Variants in NTRK3 observed in about 807,000 individuals in gnomAD.
NTRK3 encodes NT-3 growth factor receptor.
In NTRK3, 24 loss-of-function variants were observed where a neutral mutation model predicts 91.7. That is an observed-to-expected ratio of 0.26 (90% CI 0.19 to 0.37). The LOEUF is 0.37. Ranked by LOEUF, NTRK3 falls within the 10% of genes least tolerant of loss-of-function variation. NTRK3 has a pLI of 1.00. For missense variants in NTRK3, 880 were observed against 1,068.9 expected (o/e 0.82, Z 2.46); for synonymous variants, 483 against 404.0 (o/e 1.20, Z -2.34).
At chr15:87,912,361 C>T (rs1373954639) in intron 17 of NTRK3, among the ~76,000 whole-genome samples, 3 of 152,178 alleles carry the variant, frequency 2.0e-5, no homozygotes, top group African/African-American at 7.2e-5. Context: ...CACAAGTAAA[C>T]TCTCATCCCT....
intron 14 of NTRK3, among the ~76,000 whole-genome samples, chr15:88,030,048 A>T (rs182898978): frequency 1.2e-4 from 19 of 152,338 alleles, no homozygotes; most frequent in African/African-American, 4.6e-4. Context: ...CTGTCTACTG[A>T]TGGAACAGAA....
At chr15:87,931,242 T>A (rs1224146445) in intron 16 of NTRK3, 4 of 517,992 alleles carry the variant, frequency 7.7e-6, no homozygotes, top group East Asian at 5.5e-5. Flanking sequence ...TACTGCTGAA[T>A]GTAAGGATAG....
At chr15:88,062,142 A>G (rs974051734) in intron 13 of NTRK3, among the ~76,000 whole-genome samples, 1 of 152,212 alleles carries the variant, frequency 6.6e-6, no homozygotes, top group Non-Finnish European at 1.5e-5. Flanking sequence ...GGTTATATGC[A>G]AATACTGTAC....
rs78091264 is a variant in NTRK3, at chr15:88,175,399, G to C, written c.395+8019C>G. On this transcript the variant is annotated intron_variant, in intron 5 of 18. Transcript: ENST00000394480. ...AGAGAGATAGAGAGAGAGAGAGAGA[G>C]ACATAAAGAGATAGAGCAATAGATA... is the stretch of plus-strand genomic sequence containing the variant. Among the ~76,000 whole-genome samples the C allele has an allele frequency of 9.7e-3, 1,468 of 152,060 alleles. 20 individuals are homozygous for C. Among genetic ancestry groups the C allele is most frequent in the East Asian group, 0.039 (204 of 5,182 alleles).
chr15:88,169,268 G>A (rs1439281056), intron 5 of NTRK3, among the ~76,000 whole-genome samples: 2 of 152,222 alleles, frequency 1.3e-5, no homozygotes, highest in South Asian at 4.1e-4. Flanking sequence ...AAGAGGATGA[G>A]ATTTCAATGT....
At chr15:88,078,858 G>A (rs2047789516) in intron 13 of NTRK3, among the ~76,000 whole-genome samples, 1 of 152,232 alleles carries the variant, frequency 6.6e-6, no homozygotes, top group Admixed American at 6.5e-5. Context: ...AAAGGCTGAT[G>A]TGGCCAGAGT....
Position 88,152,502 on chromosome 15 carries a change from T to C in NTRK3, c.396-5099A>G, listed in dbSNP as rs78577069. 6.7e-3 allele frequency among the ~76,000 whole-genome samples: 1,026 copies of C among 152,022 alleles called. 50 individuals are homozygous for C. The East Asian group carries it at 0.13, about 19-fold the overall frequency. ...ATGTAAAGTCACAGGGAGGAGAAAA[T>C]GGCCATCTACAAGTCAAGGAGAGAA... On this transcript the variant is annotated intron_variant, in intron 5 of 18. Transcript: ENST00000394480.
At chr15:88,113,550 A>C (rs2051685904) in intron 13 of NTRK3, among the ~76,000 whole-genome samples, 1 of 152,158 alleles carries the variant, frequency 6.6e-6, no homozygotes, top group African/African-American at 2.4e-5. Context: ...TCTTGACCTC[A>C]GGTGATCCAG....
At chr15:87,943,083 A>C (rs536200279) in intron 14 of NTRK3, among the ~76,000 whole-genome samples, 3 of 151,836 alleles carry the variant, frequency 2.0e-5, no homozygotes, top group Admixed American at 2.0e-4. Context: ...GGCTTGTTAC[A>C]ACAGATTGCT....
chr15:88,204,335 T>TA (rs760032176), intron 3 of NTRK3, among the ~76,000 whole-genome samples: 394 of 152,020 alleles, frequency 2.6e-3, no homozygotes, highest in Non-Finnish European at 4.4e-3. Context: ...CTTGAAAAAT[T>TA]AAAAAAAAGT....
At chr15:87,906,790 T>C (rs1404090254) in intron 17 of NTRK3, among the ~76,000 whole-genome samples, 1 of 152,166 alleles carries the variant, frequency 6.6e-6, no homozygotes, top group African/African-American at 2.4e-5. Flanking sequence ...CCACTATTAC[T>C]ACCACCAAGT....
intron 3 of NTRK3, among the ~76,000 whole-genome samples, chr15:88,239,039 G>C (rs2052067221): frequency 6.6e-6 from 1 of 152,230 alleles, no homozygotes; most frequent in Non-Finnish European, 1.5e-5. Flanking sequence ...TGCCAGGCCT[G>C]AATACAGTGC....
intron 14 of NTRK3, among the ~76,000 whole-genome samples, chr15:88,005,641 G>A (rs2076432741): frequency 1.3e-5 from 2 of 151,958 alleles, no homozygotes; most frequent in African/African-American, 4.8e-5. Flanking sequence ...AACAAATCCT[G>A]GAATACCTGA....
At chr15:88,136,783 G>A (rs1489958903) in intron 7 of NTRK3, among the ~76,000 whole-genome samples, 174 bp from the exon 8 acceptor site, 1 of 152,198 alleles carries the variant, frequency 6.6e-6, no homozygotes, top group Non-Finnish European at 1.5e-5. Flanking sequence ...CACCTCCCCA[G>A]TAGACATCAG....
At chr15:88,187,978 G>T (rs952596469) in intron 3 of NTRK3, among the ~76,000 whole-genome samples, 12 of 152,070 alleles carry the variant, frequency 7.9e-5, no homozygotes, top group Admixed American at 7.9e-4. Flanking sequence ...ACTTCTAGAG[G>T]CAGGCCAGGC....
chr15:87,979,490 C>T (rs1265910255), intron 14 of NTRK3: 2 of 1,491,798 alleles, frequency 1.3e-6, no homozygotes, highest in Non-Finnish European at 1.9e-6. Flanking sequence ...GAAAAAAAAA[C>T]AGAAAAAAGC....
At chr15:88,075,245 G>T (rs2047434749) in intron 13 of NTRK3, among the ~76,000 whole-genome samples, 1 of 152,148 alleles carries the variant, frequency 6.6e-6, no homozygotes, top group Non-Finnish European at 1.5e-5. Context: ...CCCACCCGAG[G>T]GCCTGAGCCA....
intron 14 of NTRK3, among the ~76,000 whole-genome samples, chr15:88,031,720 G>A (rs1456318071): frequency 1.3e-5 from 2 of 152,292 alleles, no homozygotes; most frequent in Non-Finnish European, 2.9e-5. Context: ...CAGAGCCAGG[G>A]AAATGAAGCA....
intron 17 of NTRK3, among the ~76,000 whole-genome samples, chr15:87,899,066 G>A (rs900899422): frequency 6.6e-6 from 1 of 152,128 alleles, no homozygotes; most frequent in African/African-American, 2.4e-5. Context: ...CCAAGTGCCA[G>A]CCCAGTCATT....
Sources: gnomAD v4.1 joint callset for allele counts (sites outside exome capture counted in the v4.1 genomes callset) on GRCh38, gnomAD v4.1.1 for gene constraint, MANE v1.5 for transcripts, NCBI Gene and HGNC (gene_info 2026-07-23, HGNC 2026-07-21) for gene names.